RGS6: variants seen among roughly 807,000 people sequenced by gnomAD.
RGS6 encodes the protein regulator of G-protein signaling 6.
A neutral mutation model predicts 78.5 loss-of-function variants in RGS6; 30 were observed. The ratio of observed to expected loss-of-function variants is 0.38; its 90% CI spans 0.29 to 0.52. The LOEUF is 0.52. Among genes scored for constraint, RGS6 ranks in the 20% least tolerant of loss-of-function variants. RGS6 has a pLI of 0.85. For synonymous variants in RGS6, 206 were observed against 206.0 expected, an observed-to-expected ratio of 1.00 and a Z score of 0.00; for missense variants, 495 against 609.7, an observed-to-expected ratio of 0.81 and a Z score of 1.98.
chr14:72,619,866 C>G, the RGS6 span: 1 of 1,502,912 alleles, frequency 6.7e-7, no homozygotes, highest in East Asian at 2.5e-5. Context: ...GTAGTAGTAT[C>G]TGTTGCTGTT....
chr14:72,495,899 C>A (rs146660319), intron 13 of RGS6, among the ~76,000 whole-genome samples: 1 of 152,254 alleles, frequency 6.6e-6, no homozygotes, highest in African/African-American at 2.4e-5. Context: ...AACCAAAGCC[C>A]AGAGGGACTT....
chr14:72,406,991 G>A (rs578179246), intron 3 of RGS6, among the ~76,000 whole-genome samples: 3 of 152,252 alleles, frequency 2.0e-5, no homozygotes, highest in Non-Finnish European at 4.4e-5. Context: ...GAAAATAACC[G>A]GTGAGAATAA....
At chr14:72,577,744 A>C in the RGS6 span, among the ~76,000 whole-genome samples, 3 of 152,178 alleles carry the variant, frequency 2.0e-5, no homozygotes, top group East Asian at 5.8e-4. Flanking sequence ...CACAGCCCTC[A>C]CAGGAGAAAG....
chr14:71,936,328 T>C (rs1367087742), intron 1 of RGS6, among the ~76,000 whole-genome samples: 1 of 151,960 alleles, frequency 6.6e-6, no homozygotes, highest in Non-Finnish European at 1.5e-5. Flanking sequence ...TTTTCATGTT[T>C]TTCTGCCTCC....
chr14:72,310,882 C>T (rs1288685007), intron 2 of RGS6, among the ~76,000 whole-genome samples: 1 of 152,204 alleles, frequency 6.6e-6, no homozygotes, highest in Non-Finnish European at 1.5e-5. Context: ...ATTGAGAGTT[C>T]AGAATTCATA....
At chr14:72,545,070 G>A (rs1228105199) in intron 17 of RGS6, among the ~76,000 whole-genome samples, 2 of 152,244 alleles carry the variant, frequency 1.3e-5, no homozygotes, top group Non-Finnish European at 2.9e-5. Context: ...CCTAGACTCA[G>A]CAGAATCCCC....
chr14:71,889,027 C>T, the RGS6 span, among the ~76,000 whole-genome samples: 1 of 152,056 alleles, frequency 6.6e-6, no homozygotes. Context: ...ACCAAAGATG[C>T]ATGATATTGT....
the RGS6 span, among the ~76,000 whole-genome samples, chr14:72,588,997 G>T: frequency 0.067 from 10,179 of 152,202 alleles, 1,183 homozygotes; most frequent in African/African-American, 0.23. Context: ...CTCCTTCGAA[G>T]AGTTGGGAAG....
intron 2 of RGS6, among the ~76,000 whole-genome samples, chr14:71,970,148 A>G (rs1035819964): frequency 6.6e-6 from 1 of 152,254 alleles, no homozygotes; most frequent in Non-Finnish European, 1.5e-5. Context: ...TATTAATTAT[A>G]TGCTATATAC....
At chr14:72,351,756 A>G (rs1009531100) in intron 2 of RGS6, among the ~76,000 whole-genome samples, 1 of 152,188 alleles carries the variant, frequency 6.6e-6, no homozygotes, top group African/African-American at 2.4e-5. Flanking sequence ...CTATATGTAA[A>G]CCCAATTTGG....
intron 1 of RGS6, among the ~76,000 whole-genome samples, chr14:71,952,347 T>TTAAA (rs534640380): frequency 1.3e-5 from 2 of 152,188 alleles, no homozygotes; most frequent in South Asian, 4.1e-4. Flanking sequence ...TTGAATTTGA[T>TTAAA]TAAATGCCTT....
At chr14:72,236,115 TGAAAG>T (rs1016488569) in intron 2 of RGS6, among the ~76,000 whole-genome samples, 2 of 152,196 alleles carry the variant, frequency 1.3e-5, no homozygotes, top group African/African-American at 2.4e-5. Flanking sequence ...CTTGGCAAAA[TGAAAG>T]GGAAGGAGGG....
At chr14:71,978,130 T>C (rs1196524477) in intron 2 of RGS6, among the ~76,000 whole-genome samples, 3 of 143,862 alleles carry the variant, frequency 2.1e-5, no homozygotes, top group Admixed American at 7.3e-5. Context: ...GAGACTTTGC[T>C]GAAGTTGCTT....
intron 3 of RGS6, among the ~76,000 whole-genome samples, chr14:72,394,574 AT>A (rs2090746184): frequency 6.6e-6 from 1 of 152,174 alleles, no homozygotes. Flanking sequence ...TATTTCTCCT[AT>A]TTGCTCTTGA....
intron 2 of RGS6, among the ~76,000 whole-genome samples, chr14:72,202,991 C>A (rs1369807758): frequency 1.3e-5 from 2 of 152,058 alleles, no homozygotes; most frequent in Non-Finnish European, 2.9e-5. Context: ...TCTCCTGCCT[C>A]AGCCTCCTGA....
At chr14:72,364,029 CTATATT>C (rs1327511573) in intron 3 of RGS6, among the ~76,000 whole-genome samples, 2 of 122,342 alleles carry the variant, frequency 1.6e-5, no homozygotes, top group Non-Finnish European at 3.3e-5. Flanking sequence ...AAAAAAAACT[CTATATT>C]TATATGATGG....
At chr14:72,359,713 G>T (rs1286968974) in intron 3 of RGS6, among the ~76,000 whole-genome samples, 2 of 152,136 alleles carry the variant, frequency 1.3e-5, no homozygotes, top group Non-Finnish European at 2.9e-5. Flanking sequence ...GAGACAAGGA[G>T]GAAAAATCAA....
At chr14:72,164,107 G>A (rs114227394) in intron 2 of RGS6, among the ~76,000 whole-genome samples, 1 of 152,130 alleles carries the variant, frequency 6.6e-6, no homozygotes, top group Non-Finnish European at 1.5e-5. Context: ...CAAGGGGATT[G>A]TTTAACCTGC....
chr14:72,556,029 G>A (rs955212379), intron 17 of RGS6, among the ~76,000 whole-genome samples: 4 of 152,186 alleles, frequency 2.6e-5, no homozygotes, highest in African/African-American at 9.7e-5. Flanking sequence ...GGGAGATCAG[G>A]GGATAGGTGG....
Sources: allele counts gnomAD v4.1 joint callset (sites outside exome capture counted in the v4.1 genomes callset), GRCh38; gene constraint gnomAD v4.1.1; transcripts MANE v1.5; gene names NCBI Gene and HGNC (gene_info 2026-07-23, HGNC 2026-07-21).